The following RBFOX1 variants were observed in gnomAD, a reference collection of about 807,000 sequenced individuals.
RBFOX1 encodes the protein RNA binding fox-1 homolog 1, also known as RNA binding protein fox-1 homolog 1.
A neutral mutation model predicts 57.7 loss-of-function variants in RBFOX1; 8 were observed. The ratio of observed to expected loss-of-function variants is 0.14; its 90% confidence interval spans 0.08 to 0.25. The LOEUF (loss-of-function observed/expected upper bound fraction) is 0.25, where lower values mean the gene tolerates loss of function less well. Ranked by LOEUF, RBFOX1 falls within the 10% of genes least tolerant of loss-of-function variation. The pLI, the probability that RBFOX1 is intolerant of heterozygous loss-of-function variation, is 1.00. For missense variants in RBFOX1, 611 were observed against 548.5 expected (o/e 1.11, Z -1.14); for synonymous variants, 326 against 222.4 (o/e 1.47, Z -4.15).
At chr16:6,416,454 C>T (rs1022655502) in intron 2 of RBFOX1, among the ~76,000 whole-genome samples, 2 of 152,152 alleles carry the variant, frequency 1.3e-5, no homozygotes, top group African/African-American at 2.4e-5. Context: ...TCCTTCCCTC[C>T]CTGCCTCCTC....
At chr16:7,217,906 ATG>A (rs949154348) in intron 4 of RBFOX1, among the ~76,000 whole-genome samples, 34 of 60,968 alleles carry the variant, frequency 5.6e-4, no homozygotes, top group East Asian at 1.4e-3. Context: ...ATGTGTGTGC[ATG>A]TGTGTGTGTG....
chr16:7,000,357 T>A (rs1421135637), intron 3 of RBFOX1, among the ~76,000 whole-genome samples: 1 of 152,068 alleles, frequency 6.6e-6, no homozygotes, highest in East Asian at 1.9e-4. Flanking sequence ...CTCTCAAGTT[T>A]CTTTTATTAA....
intron 2 of RBFOX1, among the ~76,000 whole-genome samples, chr16:6,653,161 G>A (rs1054694021): frequency 6.6e-6 from 1 of 151,958 alleles, no homozygotes; most frequent in Admixed American, 6.6e-5. Flanking sequence ...CTTCCTTCAA[G>A]CCTTTTCTCA....
At position 6,181,492 on chromosome 16, in the gene RBFOX1, G is replaced by A. The variant is rs75311283; in HGVS notation, c.-126-135503G>A. 7.8e-3 allele frequency among the ~76,000 whole-genome samples: 1,189 copies of A among 152,292 alleles called. 16 individuals are homozygous for A. The highest frequency in any genetic ancestry group is 0.028 in the African/African-American group (1,150 of 41,556). On this transcript the variant is annotated intron_variant, in intron 1 of 15. Coordinates refer to ENST00000550418, the MANE Select transcript of RBFOX1 (RefSeq NM_018723.4). ...ATTATTGCTATTTGGAGAGAGGAAT[G>A]TCTGACTTCCTCACTCAGCCATAGC...
rs189853158 is a variant in RBFOX1 at position 5,905,426 on chromosome 16, A to G, written c.351+38091A>G. 2.6e-5 allele frequency among the ~76,000 whole-genome samples: 4 copies of G among 152,230 alleles called. No homozygotes were observed. The East Asian group carries it at 7.8e-4, about 30-fold the overall frequency. The stretch of plus-strand genomic sequence containing the variant: ...GAGGGAAGCCCATGTGAAGACACAC[A>G]GAAGGCCAGGCGCAGTGGCTCTTGC... On this transcript the variant is annotated intron_variant, in intron 4 of 19. Coordinates refer to the RBFOX1 transcript ENST00000641259.
intron 3 of RBFOX1, among the ~76,000 whole-genome samples, chr16:5,845,345 A>T (rs1225592708): frequency 1.3e-5 from 2 of 152,152 alleles, no homozygotes; most frequent in Non-Finnish European, 2.9e-5. Context: ...ATTCCTCTCC[A>T]GCCTGTCTTG....
At chr16:5,503,247 A>T (rs1296393088) in intron 2 of RBFOX1, among the ~76,000 whole-genome samples, 1 of 152,170 alleles carries the variant, frequency 6.6e-6, no homozygotes, top group African/African-American at 2.4e-5. Context: ...TTTTGTTCTT[A>T]TAGGAAGATC....
chr16:5,937,691 T>C (rs1202386817), intron 4 of RBFOX1, among the ~76,000 whole-genome samples: 1 of 149,684 alleles, frequency 6.7e-6, no homozygotes. Context: ...TATGGTTACA[T>C]ATTTATATGT....
At chr16:5,358,200 C>G (rs993591727) in intron 1 of RBFOX1, among the ~76,000 whole-genome samples, 1 of 152,032 alleles carries the variant, frequency 6.6e-6, no homozygotes, top group Admixed American at 6.6e-5. Flanking sequence ...ACCCTGACCT[C>G]TACCTTCACA....
chr16:7,703,419 A>G (rs1210626870), intron 14 of RBFOX1, among the ~76,000 whole-genome samples: 1 of 152,106 alleles, frequency 6.6e-6, no homozygotes, highest in Non-Finnish European at 1.5e-5. Flanking sequence ...GATTTCACTC[A>G]TCTTTCTGCT....
intron 2 of RBFOX1, among the ~76,000 whole-genome samples, chr16:6,566,743 A>G (rs1028582737): frequency 4.6e-5 from 7 of 152,180 alleles, no homozygotes; most frequent in African/African-American, 4.8e-5. Flanking sequence ...TCTATATGAG[A>G]AACAGGATCT....
chr16:7,487,652 C>G (rs1599725835), intron 4 of RBFOX1, among the ~76,000 whole-genome samples: 2 of 152,136 alleles, frequency 1.3e-5, no homozygotes, highest in East Asian at 1.9e-4. Flanking sequence ...GAAACACGCA[C>G]TGAGACCGAG....
chr16:6,029,495 C>T (rs551420658), intron 1 of RBFOX1, among the ~76,000 whole-genome samples: 26 of 152,232 alleles, frequency 1.7e-4, no homozygotes, highest in African/African-American at 5.5e-4. Context: ...AAAACATGGC[C>T]GGGCGTGGTG....
At chr16:5,603,693 G>C (rs1190068275), downstream of RBFOX1, among the ~76,000 whole-genome samples, 1 of 152,216 alleles carries the variant, frequency 6.6e-6, no homozygotes, top group Non-Finnish European at 1.5e-5. Flanking sequence ...AAGTGATTGT[G>C]TTGAGGTGGC....
At chr16:7,216,757 A>G (rs1162654894) in intron 4 of RBFOX1, among the ~76,000 whole-genome samples, 9 of 152,318 alleles carry the variant, frequency 5.9e-5, no homozygotes, top group Non-Finnish European at 4.4e-5. Flanking sequence ...AGCTATTGTT[A>G]TAATTCCTCT....
At chr16:5,426,040 C>G (rs2067549219) in intron 1 of RBFOX1, among the ~76,000 whole-genome samples, 2 of 152,126 alleles carry the variant, frequency 1.3e-5, no homozygotes, top group South Asian at 4.2e-4. Flanking sequence ...GAAACGGAAC[C>G]CAAAACACAA....
chr16:7,307,561 G>A (rs1372993707), intron 4 of RBFOX1, among the ~76,000 whole-genome samples: 2 of 152,206 alleles, frequency 1.3e-5, no homozygotes, highest in African/African-American at 2.4e-5. Flanking sequence ...ATCTAGATAA[G>A]TGTTTACTTA....
At chr16:6,948,207 G>C (rs1171921172) in intron 3 of RBFOX1, among the ~76,000 whole-genome samples, 2 of 151,978 alleles carry the variant, frequency 1.3e-5, no homozygotes, top group Non-Finnish European at 1.5e-5. Context: ...TGAGGTGAGA[G>C]GATGGCTTGA....
At chr16:5,610,720 T>G (rs2047750467) in intron 3 of RBFOX1, 1 of 151,882 alleles carries the variant, frequency 6.6e-6, no homozygotes, top group Non-Finnish European at 1.5e-5. Flanking sequence ...AAATTAAAAA[T>G]TTAATGGCGT....
Sources: gnomAD v4.1 joint callset for allele counts (sites outside exome capture counted in the v4.1 genomes callset) on GRCh38, gnomAD v4.1.1 for gene constraint, MANE v1.5 for transcripts, NCBI Gene and HGNC (gene_info 2026-07-23, HGNC 2026-07-21) for gene names.